The following GALNT7 variants were observed in gnomAD, a reference collection of about 807,000 sequenced individuals.
The protein encoded by GALNT7 is N-acetylgalactosaminyltransferase 7.
In GALNT7, 60 loss-of-function variants were observed where a neutral mutation model predicts 82.1. The observed-to-expected ratio is 0.73, with a 90% CI of 0.59 to 0.91. GALNT7 has a LOEUF of 0.91. Among genes scored for constraint, GALNT7 ranks in the 40% least tolerant of loss-of-function variants. The pLI is 0.00. For missense variants in GALNT7, 660 were observed against 804.2 expected, an observed-to-expected ratio of 0.82 and a Z score of 2.17; for synonymous variants, 243 against 275.1, an observed-to-expected ratio of 0.88 and a Z score of 1.15.
At chr4:173,309,628 C>T (rs1737301382) in intron 8 of GALNT7, among the ~76,000 whole-genome samples, 1 of 152,098 alleles carries the variant, frequency 6.6e-6, no homozygotes, top group African/African-American at 2.4e-5. Context: ...ACTCTGATGC[C>T]CCTCATTTTC....
intron 1 of GALNT7, among the ~76,000 whole-genome samples, chr4:173,174,688 C>G (rs1282087386): frequency 6.6e-6 from 1 of 152,032 alleles, no homozygotes; most frequent in East Asian, 1.9e-4. Context: ...TTCCTGCTCT[C>G]ACAATCTAGT....
At chr4:173,282,015 G>C (rs1179054815) in intron 2 of GALNT7, among the ~76,000 whole-genome samples, 2 of 152,170 alleles carry the variant, frequency 1.3e-5, no homozygotes, top group African/African-American at 4.8e-5. Flanking sequence ...TTTAATAAGC[G>C]AAAGAAAGCA....
intron 2 of GALNT7, among the ~76,000 whole-genome samples, chr4:173,256,735 C>G (rs1735052713): frequency 6.6e-6 from 1 of 152,196 alleles, no homozygotes; most frequent in Non-Finnish European, 1.5e-5. Flanking sequence ...GGGCTTAGGG[C>G]TATGCTATGA....
At chr4:173,285,997 G>C (rs1336709455) in intron 2 of GALNT7, among the ~76,000 whole-genome samples, 1 of 151,926 alleles carries the variant, frequency 6.6e-6, no homozygotes, top group Non-Finnish European at 1.5e-5. Context: ...GTGGAAAAAA[G>C]TAATTCAGTT....
chr4:173,300,269 G>A (rs1736872628), intron 6 of GALNT7, among the ~76,000 whole-genome samples: 1 of 152,182 alleles, frequency 6.6e-6, no homozygotes, highest in Non-Finnish European at 1.5e-5. Flanking sequence ...CTTGAGCCCA[G>A]GAGTTCAAGG....
intron 1 of GALNT7, among the ~76,000 whole-genome samples, chr4:173,205,023 C>T (rs929207390): frequency 6.6e-6 from 1 of 152,204 alleles, no homozygotes; most frequent in African/African-American, 2.4e-5. Flanking sequence ...TGGTGTGGTC[C>T]TCTGGCAGAC....
In GALNT7 at chr4:173,321,666, C is replaced by T; in HGVS notation, c.1923C>T (p.Asp641=). ...VLHQVFISNC[D]SSKTTQKWEM... is the part of the protein sequence containing the mutation. The stretch of plus-strand genomic sequence containing the variant: ...ATCAAGTATTCATCTCCAATTGTGA[C>T]TCCAGTAAAACGACTCAAAAATGGG... The change falls in exon 12 of 12, where the codon GAC becomes GAT. Residue 641 remains aspartate (D), a synonymous_variant. Transcript: ENST00000265000. 6.2e-7 allele frequency: 1 copy of T among 1,606,786 alleles called. No homozygotes were observed. The highest frequency in any genetic ancestry group is 2.2e-5 in the East Asian group (1 of 44,820).
chr4:173,216,727 A>ATATATATATTTTTTT (rs71244915), intron 1 of GALNT7, among the ~76,000 whole-genome samples: 5 of 12,978 alleles, frequency 3.9e-4, no homozygotes, highest in African/African-American at 1.1e-3. Context: ...ATATATATAT[A>ATATATATATTTTTTT]TTTTTTTTTT....
intron 9 of GALNT7, among the ~76,000 whole-genome samples, chr4:173,315,251 A>G (rs1737552309): frequency 6.6e-6 from 1 of 152,126 alleles, no homozygotes; most frequent in African/African-American, 2.4e-5. Flanking sequence ...TAAGGGCCAG[A>G]ATGACATCGA....
chr4:173,259,069 G>C (rs1735154338), intron 2 of GALNT7, among the ~76,000 whole-genome samples: 1 of 152,196 alleles, frequency 6.6e-6, no homozygotes, highest in South Asian at 2.1e-4. Flanking sequence ...CACCTCCCTA[G>C]TTGTGACAAC....
At chr4:173,240,732 AATATGTC>A (rs1734401489) in intron 1 of GALNT7, among the ~76,000 whole-genome samples, 1 of 152,228 alleles carries the variant, frequency 6.6e-6, no homozygotes, top group South Asian at 2.1e-4. Context: ...ATATGGGACT[AATATGTC>A]AGTGTTTTTT....
chr4:173,253,721 T>G (rs1579957787), intron 2 of GALNT7, among the ~76,000 whole-genome samples: 1 of 152,016 alleles, frequency 6.6e-6, no homozygotes, highest in Non-Finnish European at 1.5e-5. Context: ...AAGAGGCTGG[T>G]TAGGATAGAA....
At chr4:173,288,011 C>T (rs889586706) in intron 2 of GALNT7, among the ~76,000 whole-genome samples, 25 of 152,018 alleles carry the variant, frequency 1.6e-4, no homozygotes, top group Admixed American at 3.3e-4. Flanking sequence ...AGGCCGGGCG[C>T]GGTGGCTCAC....
chr4:173,201,157 A>G (rs1205436936), intron 1 of GALNT7, among the ~76,000 whole-genome samples: 2 of 152,170 alleles, frequency 1.3e-5, no homozygotes, highest in Non-Finnish European at 2.9e-5. Context: ...ACAGTTACAT[A>G]AGACCTTTTA....
At chr4:173,225,299 TG>T (rs1223346265) in intron 1 of GALNT7, among the ~76,000 whole-genome samples, 1 of 152,110 alleles carries the variant, frequency 6.6e-6, no homozygotes, top group African/African-American at 2.4e-5. Flanking sequence ...ACAGAATTAC[TG>T]GGCACAGGGA....
chr4:173,178,318 C>T (rs1298636051), intron 1 of GALNT7, among the ~76,000 whole-genome samples: 1 of 152,002 alleles, frequency 6.6e-6, no homozygotes, highest in Non-Finnish European at 1.5e-5. Flanking sequence ...CAAAACTATG[C>T]TATTCTCAGC....
intron 1 of GALNT7, among the ~76,000 whole-genome samples, chr4:173,191,110 C>T (rs1412958942): frequency 6.6e-6 from 1 of 151,230 alleles, no homozygotes; most frequent in African/African-American, 2.4e-5. Context: ...ATAGTGATTC[C>T]AAGAAGAACT....
chr4:173,259,065 C>G (rs780477517), intron 2 of GALNT7, among the ~76,000 whole-genome samples: 3 of 152,202 alleles, frequency 2.0e-5, no homozygotes, highest in Non-Finnish European at 4.4e-5. Context: ...CTTCCACCTC[C>G]CTAGTTGTGA....
intron 1 of GALNT7, among the ~76,000 whole-genome samples, chr4:173,225,213 T>C (rs1373605727): frequency 6.6e-6 from 1 of 152,086 alleles, no homozygotes; most frequent in Non-Finnish European, 1.5e-5. Flanking sequence ...TGTTTTACTT[T>C]GGGTCATATC....
Sources: allele counts gnomAD v4.1 joint callset (sites outside exome capture counted in the v4.1 genomes callset), GRCh38; gene constraint gnomAD v4.1.1; transcripts MANE v1.5; gene names NCBI Gene and HGNC (gene_info 2026-07-23, HGNC 2026-07-21).